The following SNRNP200 variants were observed in gnomAD, a reference collection of about 807,000 sequenced individuals.
The protein encoded by SNRNP200 is small nuclear ribonucleoprotein U5 subunit 200.
SNRNP200 carries 66 observed loss-of-function variants against 255.2 expected under a neutral mutation model. That is an observed-to-expected ratio of 0.26 (90% CI 0.21 to 0.32). SNRNP200 has a LOEUF of 0.32. Among genes scored for constraint, SNRNP200 ranks in the 10% least tolerant of loss-of-function variants. The probability of loss-of-function intolerance (pLI) is 1.00; values close to 1 mark genes in which losing one functional copy is unlikely to be tolerated. For missense variants in SNRNP200, 1,585 were observed against 2,749.8 expected (o/e 0.58, Z 9.47); for synonymous variants, 939 against 1,027.8 (o/e 0.91, Z 1.65).
Position 96,304,879 on chromosome 2 carries a change from C to T in SNRNP200, c.46-11G>A. The T allele has an allele frequency of 1.2e-6, 2 of 1,613,492 alleles. No homozygotes were observed. The highest frequency in any genetic ancestry group is 1.7e-6 in the Non-Finnish European group (2 of 1,179,728). ...CACAAGATTCGAGTTCTGAAAAGAT[C>T]AAAACATTATTGAAGCTTTGACATG... On this transcript the variant is annotated splice_polypyrimidine_tract_variant and intron_variant, in intron 1 of 44. Coordinates refer to ENST00000323853, the MANE Select transcript of SNRNP200 (RefSeq NM_014014.5).
chr2:96,301,631 T>A lies in SNRNP200; in HGVS notation c.467A>T (p.Glu156Val), dbSNP rs2063952909. 1 of 1,614,086 alleles carries A rather than the reference T, an allele frequency of 6.2e-7. No individual in the cohort carries two copies. ...EKLRDKERRK[E>V]IDLLLGQTDD... The stretch of plus-strand genomic sequence containing the variant: ...TGTTTGACCCAGCAGCAGGTCAATC[T>A]CCTTTCGCCTTTCCTTGTCCCGCAG... The change falls in exon 4 of 45, where the codon GAG becomes GTG. Residue 156 changes from glutamate (E) to valine (V), a missense_variant. By Grantham distance (121) the Glu-to-Val change is moderately radical (BLOSUM62 -2). This residue lies in a region of SNRNP200 where 383 missense variants were observed against 645.3 expected (regional missense o/e 0.59). Coordinates refer to ENST00000323853, the MANE Select transcript of SNRNP200 (RefSeq NM_014014.5).
At chr2:96,276,804 TAA>T in intron 43 of SNRNP200, 98 bp downstream of exon 43, 1 of 1,083,540 alleles carries the variant, frequency 9.2e-7, no homozygotes, top group East Asian at 2.4e-5. Flanking sequence ...ATTATCAGTC[TAA>T]AGTTTCCCTC....
chr2:96,287,662 C>A lies in SNRNP200; in HGVS notation c.3366-105G>T. ...TAGCAGTGACTACACAAAACACAGT[C>A]ATTAAAGGCAGACACTGACACTGTG... On this transcript the variant is annotated intron_variant, in intron 25 of 44. Transcript: ENST00000323853. The surrounding 1 kb of genome is among the most constrained non-coding windows in gnomAD (Gnocchi z 5.7). 2.0e-6 allele frequency: 2 copies of A among 988,162 alleles called. No individual in the cohort carries two copies. Among genetic ancestry groups the A allele is most frequent in the Non-Finnish European group, 1.6e-6 (1 of 609,762 alleles). 61.2% of individuals were successfully genotyped at this position (988,162 alleles called of 1,614,324 possible).
rs1488035680 is a variant in SNRNP200, at chr2:96,286,766, G to C, written c.3751C>G (p.Leu1251Val). 2 of 1,614,112 alleles carry C rather than the reference G, an allele frequency of 1.2e-6. No homozygotes were observed. The highest frequency in any genetic ancestry group is 1.7e-6 in the Non-Finnish European group (2 of 1,180,058). The change falls in exon 28 of 45, where the codon CTC becomes GTC. Residue 1251 changes from leucine to valine, a missense_variant. Around this residue, in one of 9 missense-constraint regions of SNRNP200, gnomAD observed 719 missense variants for 1,091.1 expected, o/e 0.66. Transcript: ENST00000323853. The surrounding 1 kb of genome is among the most constrained non-coding windows in gnomAD (Gnocchi z 4.8). ...AAGACAGGCACGAAGAATGTAATGAGGTGCTCGTCCTGGGCGTACTTGGCC... is the reference window on the plus strand; with the variant it reads ...AAGACAGGCACGAAGAATGTAATGACGTGCTCGTCCTGGGCGTACTTGGCC... ...LKAKYAQDEH[L>V]ITFFVPVFEP...
Position 96,289,305 on chromosome 2 carries a change from C to A in SNRNP200, c.3015G>T (p.Leu1005=). Residue 1005 remains leucine, a synonymous_variant, in exon 22 of 45, where the codon CTG becomes CTT. Transcript: ENST00000323853. ...GCTCAATCTCACTCAGGGTGGGCTT[C>A]AGCAGCTGGTTGTAAGTCTGCACTG... The part of the protein sequence containing the change: ...NDTVQTYNQL[L]KPTLSEIELF... 6.2e-7 allele frequency: 1 copy of A among 1,614,204 alleles called. No individual in the cohort carries two copies.
Position 96,296,986 on chromosome 2 carries a change from G to C in SNRNP200, c.1462C>G (p.Leu488Val), listed in dbSNP as rs771467567. 14 of 1,614,242 alleles carry C rather than the reference G, an allele frequency of 8.7e-6. No homozygotes were observed. Among genetic ancestry groups the C allele is most frequent in the Admixed American group, 3.3e-5 (2 of 60,032 alleles). ...TCCGTCTCAAGGGCAGCACGGTAGA[G>C]CTTACTCTGGATCCGATTCAGTGTT... ...FKTLNRIQSK[L>V]YRAALETDEN... The change falls in exon 12 of 45, where the codon CTC becomes GTC. Residue 488 changes from leucine to valine, a missense_variant. Physicochemically the swap from Leu to Val is conservative, Grantham distance 32. Transcript: ENST00000323853.
intron 23 of SNRNP200, 125 bp from the exon 24 acceptor site, chr2:96,288,871 TA>T: frequency 9.8e-7 from 1 of 1,020,994 alleles, no homozygotes; most frequent in Non-Finnish European, 1.5e-6. Context: ...TTACAAATAC[TA>T]AATAATTGTT....
At chr2:96,304,673 G>A in intron 2 of SNRNP200, 32 bp downstream of exon 2, 1 of 1,613,722 alleles carries the variant, frequency 6.2e-7, no homozygotes. Flanking sequence ...CTTTGGATCT[G>A]AAGGAAAAAA....
At chr2:96,282,933 G>A in intron 34 of SNRNP200, 1 of 541,556 alleles carries the variant, frequency 1.8e-6, no homozygotes, top group South Asian at 2.0e-5. Flanking sequence ...GGTGGCCAAA[G>A]GTCCTGGACT....
At position 96,285,221 on chromosome 2, in the gene SNRNP200, G is replaced by A. The variant is rs760524917; in HGVS notation, c.4123C>T (p.Arg1375Cys). ...LRMLLQSSEG[R>C]CVYITPMEAL... ...TCCATGGGGGTGATGTACACACAGC[G>A]CCCCTCCGAGCTCTGCAGCAGCATT... The change falls in exon 30 of 45, where the codon CGC (arginine) becomes TGC (cysteine). Residue 1375 changes from arginine (R) to cysteine (C), a missense_variant. Around this residue, in one of 9 missense-constraint regions of SNRNP200, gnomAD observed 719 missense variants for 1,091.1 expected, o/e 0.66. Transcript: ENST00000323853. 4 of 1,613,966 alleles carry A rather than the reference G, an allele frequency of 2.5e-6. No homozygotes were observed. In the Admixed American group the frequency reaches 5.0e-5, roughly 20 times the overall value.
intron 35 of SNRNP200, chr2:96,281,453 G>A: frequency 3.0e-6 from 1 of 328,706 alleles, no homozygotes; most frequent in Non-Finnish European, 6.0e-6. Context: ...ACAGGCATGA[G>A]CCACTGCGCT....
chr2:96,278,117 C>T lies in SNRNP200; in HGVS notation c.5610+120G>A. 3.2e-6 allele frequency: 5 copies of T among 1,544,648 alleles called. No individual in the cohort carries two copies. Among genetic ancestry groups the T allele is most frequent in the Admixed American group, 1.7e-5 (1 of 59,862 alleles). ...TTGAGGGAGGTATGGAGCGGGAGGACATATGGCGGGGGTCGGGGGATGCGT... is the reference window on the plus strand; with the variant it reads ...TTGAGGGAGGTATGGAGCGGGAGGATATATGGCGGGGGTCGGGGGATGCGT... On this transcript the variant is annotated intron_variant, in intron 39 of 44. Coordinates refer to ENST00000323853, the MANE Select transcript of SNRNP200 (RefSeq NM_014014.5). The surrounding 1 kb of genome is among the most constrained non-coding windows in gnomAD (Gnocchi z 6.9).
At chr2:96,276,460 C>T (rs541142375) in intron 43 of SNRNP200, 71 of 187,176 alleles carry the variant, frequency 3.8e-4, no homozygotes, top group Non-Finnish European at 6.8e-4. Context: ...GTCTCACACT[C>T]GCCTGGGCTG....
chr2:96,292,161 A>G (rs2063888212), intron 16 of SNRNP200, among the ~76,000 whole-genome samples: 1 of 152,250 alleles, frequency 6.6e-6, no homozygotes, highest in East Asian at 1.9e-4. Flanking sequence ...CTTTAAATAG[A>G]CTACAACTAC....
At chr2:96,284,697 C>A in intron 30 of SNRNP200, 112 bp from the exon 31 acceptor site, 1 of 772,524 alleles carries the variant, frequency 1.3e-6, no homozygotes, top group Non-Finnish European at 2.3e-6. Context: ...AGATCTCAAG[C>A]TACGTTCTAA....
At position 96,277,755 on chromosome 2, in the gene SNRNP200, G is replaced by A. The variant is rs368743359; in HGVS notation, c.5755-40C>T. On this transcript the variant is annotated intron_variant, in intron 40 of 44. Coordinates refer to ENST00000323853, the MANE Select transcript of SNRNP200 (RefSeq NM_014014.5). This position sits in a 1 kb window ranked among gnomAD's most constrained non-coding sequence, Gnocchi z 4.4. Reference sequence around the variant, plus strand: ...GAGTATAAAAGTGGGCGGAGTTGGAGCTGAGATGTTTAGAGCACCACTGAC... The same window carrying A: ...GAGTATAAAAGTGGGCGGAGTTGGAACTGAGATGTTTAGAGCACCACTGAC... The A allele has an allele frequency of 1.2e-6, 2 of 1,614,006 alleles. No individual in the cohort carries two copies. Among genetic ancestry groups the A allele is most frequent in the African/African-American group, 2.7e-5 (2 of 74,928 alleles).
At position 96,283,041 on chromosome 2, in the gene SNRNP200, T is replaced by G; in HGVS notation, c.4915+160A>C. The G allele has an allele frequency of 1.1e-6, 1 of 916,132 alleles. No homozygotes were observed. The highest frequency in any genetic ancestry group is 1.7e-6 in the Non-Finnish European group (1 of 578,238). The allele number at this position is 916,132 out of a possible 1,614,324, so 56.8% of individuals were successfully genotyped here. A position where few individuals can be genotyped will look rare whatever the true frequency, so the allele number is the denominator to read the frequency against. ...TGTTTGTCTCACCTGCCTCACGAGG[T>G]TCTTGGGAGGATCAAATGAGTTAAC... On this transcript the variant is annotated intron_variant, in intron 34 of 44. Transcript: ENST00000323853. The surrounding 1 kb of genome is among the most constrained non-coding windows in gnomAD (Gnocchi z 4.7).
At chr2:96,276,224 G>T (rs1684655752) in intron 43 of SNRNP200, among the ~76,000 whole-genome samples, 1 of 152,090 alleles carries the variant, frequency 6.6e-6, no homozygotes, top group African/African-American at 2.4e-5. Context: ...CATATAAAGA[G>T]AACCAGAATT....
At chr2:96,304,911 G>A (rs1350326737) in intron 1 of SNRNP200, 43 bp from the exon 2 acceptor site, 2 of 1,597,070 alleles carry the variant, frequency 1.3e-6, no homozygotes, top group African/African-American at 2.7e-5. Flanking sequence ...CATGAGCAGG[G>A]CCAATTCCTA....
Sources: allele counts gnomAD v4.1 joint callset (sites outside exome capture counted in the v4.1 genomes callset), GRCh38; gene constraint gnomAD v4.1.1; regional missense constraint gnomAD v4.1.1; non-coding constraint Gnocchi (gnomAD v3.1); transcripts MANE v1.5; gene names NCBI Gene and HGNC (gene_info 2026-07-23, HGNC 2026-07-21).